The following ETFA variants were observed in gnomAD, a reference collection of about 807,000 sequenced individuals.
ETFA encodes electron transfer flavoprotein subunit alpha, also known as electron transfer flavoprotein subunit alpha, mitochondrial.
Under a neutral mutation model 46.2 loss-of-function variants are expected in ETFA, and 22 were observed. The observed-to-expected ratio is 0.48, with a 90% CI of 0.34 to 0.68. ETFA has a LOEUF of 0.68. Among genes scored for constraint, ETFA ranks in the 30% least tolerant of loss-of-function variants. ETFA has a pLI of 0.01. For synonymous variants in ETFA, 131 were observed against 139.9 expected (o/e 0.94, Z 0.45); for missense variants, 345 against 401.1 (o/e 0.86, Z 1.19).
At chr15:76,250,018 A>T (rs1178982085) in intron 9 of ETFA, among the ~76,000 whole-genome samples, 1 of 152,224 alleles carries the variant, frequency 6.6e-6, no homozygotes, top group Non-Finnish European at 1.5e-5. Context: ...AAACACTAAC[A>T]TACAAGTAAA....
chr15:76,294,796 A>G (rs1422143233), intron 2 of ETFA, among the ~76,000 whole-genome samples: 2 of 152,032 alleles, frequency 1.3e-5, no homozygotes, highest in African/African-American at 4.8e-5. Context: ...TGATCTACCC[A>G]CCTCAGCTTC....
intron 9 of ETFA, chr15:76,245,294 A>G (rs975255302): frequency 5.3e-5 from 8 of 152,184 alleles, no homozygotes; most frequent in African/African-American, 1.7e-4. Flanking sequence ...GCACTCACAT[A>G]TGAATATTTT....
chr15:76,262,909 T>C (rs931134672), intron 9 of ETFA, among the ~76,000 whole-genome samples: 1 of 152,024 alleles, frequency 6.6e-6, no homozygotes, highest in East Asian at 1.9e-4. Flanking sequence ...CAGAAGACAA[T>C]GGAACTTAAA....
chr15:76,260,774 G>T, intron 9 of ETFA: 4 of 1,603,566 alleles, frequency 2.5e-6, no homozygotes, highest in Non-Finnish European at 3.4e-6. Context: ...AGGGCACCCA[G>T]TCAGCATAAG....
chr15:76,267,392 C>T (rs1238369238), intron 9 of ETFA, among the ~76,000 whole-genome samples: 2 of 152,210 alleles, frequency 1.3e-5, no homozygotes, highest in Admixed American at 1.3e-4. Context: ...ATTCAACAAG[C>T]CTATATTAAT....
intron 11 of ETFA, among the ~76,000 whole-genome samples, chr15:76,219,458 T>TA (rs1001125692): frequency 1.2e-4 from 18 of 150,534 alleles, no homozygotes; most frequent in African/African-American, 2.9e-4. Context: ...AGCAACAAAA[T>TA]AAAAAAAAAG....
At chr15:76,238,083 T>C (rs1353312708) in intron 9 of ETFA, among the ~76,000 whole-genome samples, 1 of 152,184 alleles carries the variant, frequency 6.6e-6, no homozygotes, top group Non-Finnish European at 1.5e-5. Flanking sequence ...ATAATACATA[T>C]GAAGTTGAAA....
At chr15:76,273,684 AT>A (rs952946325) in intron 9 of ETFA, among the ~76,000 whole-genome samples, 10 of 151,578 alleles carry the variant, frequency 6.6e-5, no homozygotes, top group African/African-American at 1.2e-4. Flanking sequence ...GGGATGTAAG[AT>A]TTTTTTTTAA....
chr15:76,262,220 A>T (rs567659550), intron 9 of ETFA, among the ~76,000 whole-genome samples: 11 of 152,192 alleles, frequency 7.2e-5, no homozygotes, highest in African/African-American at 2.6e-4. Context: ...TCCAAGCTAT[A>T]GAGTAGGGAA....
chr15:76,285,571 CT>C, intron 7 of ETFA, 65 bp downstream of exon 7: 1 of 949,124 alleles, frequency 1.1e-6, no homozygotes, highest in Non-Finnish European at 1.7e-6. Flanking sequence ...AAAATAAATA[CT>C]AAAAATAAAA....
chr15:76,249,472 C>A (rs1445563865), intron 9 of ETFA, among the ~76,000 whole-genome samples: 43 of 106,752 alleles, frequency 4.0e-4, no homozygotes, highest in African/African-American at 1.4e-3. Context: ...GATGGAGTCT[C>A]GTTCTGTCGC....
At chr15:76,241,123 A>G (rs2039181328) in intron 9 of ETFA, among the ~76,000 whole-genome samples, 2 of 152,262 alleles carry the variant, frequency 1.3e-5, no homozygotes, top group African/African-American at 4.8e-5. Flanking sequence ...TTTACATTGA[A>G]ATATTTGTGT....
At chr15:76,287,411 T>C (rs2039713919) in intron 5 of ETFA, among the ~76,000 whole-genome samples, 1 of 152,052 alleles carries the variant, frequency 6.6e-6, no homozygotes, top group Admixed American at 6.6e-5. Flanking sequence ...CAAGTAATCC[T>C]CCCACCTCAG....
intron 9 of ETFA, chr15:76,274,090 A>C (rs1321516785): frequency 3.1e-6 from 1 of 321,896 alleles, no homozygotes; most frequent in East Asian, 6.9e-5. Context: ...TATGGAAATA[A>C]ATCTTATCAA....
chr15:76,258,855 G>T, intron 9 of ETFA: 1 of 660,994 alleles, frequency 1.5e-6, no homozygotes. Context: ...AGGCTTCCCA[G>T]CACAGCTTGG....
chr15:76,287,405 T>A (rs1309198058), intron 5 of ETFA, among the ~76,000 whole-genome samples: 1 of 151,970 alleles, frequency 6.6e-6, no homozygotes, highest in Non-Finnish European at 1.5e-5. Context: ...TGAGTTCAAG[T>A]AATCCTCCCA....
intron 1 of ETFA, among the ~76,000 whole-genome samples, chr15:76,298,606 A>T: frequency 6.6e-6 from 1 of 152,204 alleles, no homozygotes; most frequent in Non-Finnish European, 1.5e-5. Context: ...AGGAAACTGG[A>T]GCTTAGCAGC....
At chr15:76,243,040 T>C (rs2039207070) in intron 9 of ETFA, among the ~76,000 whole-genome samples, 1 of 152,238 alleles carries the variant, frequency 6.6e-6, no homozygotes, top group Non-Finnish European at 1.5e-5. Flanking sequence ...TTCACACTTA[T>C]AATCCCAGCA....
At chr15:76,281,897 CTT>C (rs34309169) in intron 8 of ETFA, among the ~76,000 whole-genome samples, 36 of 78,096 alleles carry the variant, frequency 4.6e-4, no homozygotes, top group Non-Finnish European at 6.3e-4. Context: ...TACACGTATC[CTT>C]TTTTTTTTTT....
Sources: gnomAD v4.1 joint callset for allele counts (sites outside exome capture counted in the v4.1 genomes callset) on GRCh38, gnomAD v4.1.1 for gene constraint, MANE v1.5 for transcripts, NCBI Gene and HGNC (gene_info 2026-07-23, HGNC 2026-07-21) for gene names.